The following DBT variants were observed in gnomAD, a reference collection of about 807,000 sequenced individuals.
DBT encodes dihydrolipoamide branched chain transacylase E2, also known as lipoamide acyltransferase component of branched-chain alpha-keto acid dehydrogenase complex, mitochondrial.
A neutral mutation model predicts 51.3 loss-of-function variants in DBT; 40 were observed. That is an observed-to-expected ratio of 0.78 (90% CI 0.61 to 1.02). The LOEUF (loss-of-function observed/expected upper bound fraction) is 1.02, where lower values mean the gene tolerates loss of function less well. Ranked by LOEUF, DBT falls within the 50% of genes least tolerant of loss-of-function variation. DBT has a pLI of 0.00. For missense variants in DBT, 510 were observed against 580.2 expected, an observed-to-expected ratio of 0.88 and a Z score of 1.24; for synonymous variants, 181 against 190.4, an observed-to-expected ratio of 0.95 and a Z score of 0.41.
intron 2 of DBT, among the ~76,000 whole-genome samples, chr1:100,236,837 T>G (rs1471489692): frequency 6.6e-6 from 1 of 152,190 alleles, no homozygotes; most frequent in African/African-American, 2.4e-5. Context: ...GAAAATGTGA[T>G]GGTTCATGGC....
chr1:100,233,998 C>T (rs540555438), intron 3 of DBT, among the ~76,000 whole-genome samples: 5 of 152,142 alleles, frequency 3.3e-5, no homozygotes, highest in Non-Finnish European at 7.3e-5. Context: ...TGATTTATCA[C>T]GGCTAGCAGA....
intron 2 of DBT, among the ~76,000 whole-genome samples, chr1:100,237,604 CT>C (rs1439522554): frequency 6.6e-6 from 1 of 152,036 alleles, no homozygotes; most frequent in Non-Finnish European, 1.5e-5. Context: ...AAGCAGGAGG[CT>C]ACTTCAGGTA....
chr1:100,227,554 T>G (rs1030106617), intron 4 of DBT, among the ~76,000 whole-genome samples: 12 of 152,286 alleles, frequency 7.9e-5, no homozygotes, highest in Non-Finnish European at 1.6e-4. Context: ...TTAGGAAGGA[T>G]CTCAAATTAT....
intron 7 of DBT, chr1:100,213,387 C>T (rs1185172205): frequency 6.4e-7 from 1 of 1,559,082 alleles, no homozygotes; most frequent in African/African-American, 1.4e-5. Flanking sequence ...GGCTACGGCG[C>T]CATCCCCGCC....
At chr1:100,248,447 G>A (rs1236623284) in intron 1 of DBT, among the ~76,000 whole-genome samples, 1 of 152,178 alleles carries the variant, frequency 6.6e-6, no homozygotes, top group Non-Finnish European at 1.5e-5. Flanking sequence ...CAGGACAGTA[G>A]GATATATGGG....
intron 4 of DBT, among the ~76,000 whole-genome samples, chr1:100,219,638 C>T (rs1399002872): frequency 6.6e-6 from 1 of 151,828 alleles, no homozygotes; most frequent in African/African-American, 2.4e-5. Flanking sequence ...GTCCAAGCTA[C>T]ACAGGAAGCT....
At chr1:100,230,998 A>G in intron 3 of DBT, 84 bp from the exon 4 acceptor site, 1 of 846,724 alleles carries the variant, frequency 1.2e-6, no homozygotes, top group Non-Finnish European at 2.0e-6. Flanking sequence ...ATGCTGAGTT[A>G]GATCAGTATT....
At chr1:100,199,327 A>G (rs1267687633) in intron 10 of DBT, among the ~76,000 whole-genome samples, 1 of 152,238 alleles carries the variant, frequency 6.6e-6, no homozygotes, top group East Asian at 1.9e-4. Flanking sequence ...ATTCCTGAGC[A>G]AAGAATGCTC....
At chr1:100,227,714 G>A (rs1663303395) in intron 4 of DBT, among the ~76,000 whole-genome samples, 1 of 152,216 alleles carries the variant, frequency 6.6e-6, no homozygotes, top group South Asian at 2.1e-4. Context: ...GCAGTCATCA[G>A]ATGTTAAGTG....
In DBT at chr1:100,206,224, A is replaced by C. The variant is rs140115881; in HGVS notation, c.1281+6T>G. ...ACTCCATTTTTCAGTTATCTAATAC[A>C]TGTACCTTAATTGATCCAAGGGCCC... On this transcript the variant is annotated splice_donor_region_variant and intron_variant, in intron 10 of 10. Transcript: ENST00000370132. 5.7e-3 allele frequency: 9,123 copies of C among 1,605,510 alleles called. 815 individuals are homozygous for C. In the Admixed American group the frequency reaches 0.14, roughly 25 times the overall value.
intron 4 of DBT, among the ~76,000 whole-genome samples, chr1:100,225,052 T>TACACACACACACACAC (rs71084808): frequency 1.3e-5 from 1 of 79,034 alleles, no homozygotes; most frequent in Admixed American, 1.4e-4. Context: ...AATATATATA[T>TACACACACACACACAC]ACACACACAC....
At chr1:100,246,905 C>G (rs773567102) in intron 1 of DBT, among the ~76,000 whole-genome samples, 1 of 152,128 alleles carries the variant, frequency 6.6e-6, no homozygotes, top group Non-Finnish European at 1.5e-5. Flanking sequence ...GTAGGTGTAA[C>G]CCCGGGGATG....
chr1:100,210,939 G>A (rs533301746), intron 7 of DBT, 168 bp from the exon 8 acceptor site: 2 of 1,426,516 alleles, frequency 1.4e-6, no homozygotes, highest in Admixed American at 4.2e-5. Flanking sequence ...GTTACCTTCA[G>A]GCCATGTGGA....
chr1:100,239,824 C>T (rs1248001734), intron 2 of DBT, among the ~76,000 whole-genome samples: 1 of 138,686 alleles, frequency 7.2e-6, no homozygotes, highest in Admixed American at 7.7e-5. Context: ...GATTGTGCCA[C>T]TGCACTCCAG....
chr1:100,219,992 A>T (rs1662755621), intron 4 of DBT, among the ~76,000 whole-genome samples: 2 of 151,980 alleles, frequency 1.3e-5, no homozygotes, highest in Admixed American at 1.3e-4. Flanking sequence ...AAAAAATTTT[A>T]AAATTAGCCA....
Position 100,230,824 on chromosome 1 carries a change from A to G in DBT, c.342T>C (p.Tyr114=), listed in dbSNP as rs1207748719. The stretch of plus-strand genomic sequence containing the variant: ...AATAGAGTTTTTTAATGACTCCATC[A>G]TAACGACTAGTGATGGTAACAGAAG... ...DKASVTITSR[Y]DGVIKKLYYN... The change falls in exon 4 of 11, where the codon TAT becomes TAC. Residue 114 remains tyrosine (Y), a synonymous_variant. Transcript: ENST00000370132. 2.5e-6 allele frequency: 4 copies of G among 1,607,780 alleles called. No homozygotes were observed. Among genetic ancestry groups the G allele is most frequent in the African/African-American group, 1.3e-5 (1 of 74,930 alleles).
intron 7 of DBT, among the ~76,000 whole-genome samples, chr1:100,214,036 A>C (rs946239956): frequency 1.6e-4 from 25 of 152,050 alleles, no homozygotes; most frequent in African/African-American, 5.1e-4. Flanking sequence ...ACAGTCACTA[A>C]TGTGAGCTAG....
Position 100,190,559 on chromosome 1 carries a change from A to G in DBT, c.*5696T>C, listed in dbSNP as rs1046802727. ...TTTTAATCAGTGTGCTAAGGGAGTA[A>G]ATCTGGTACAGTTCTGGATGTGAGG... On this transcript the variant is annotated 3_prime_UTR_variant, in exon 11 of 11. Coordinates refer to ENST00000370132, the MANE Select transcript of DBT (RefSeq NM_001918.5). 6.6e-6 allele frequency: 1 copy of G among 152,218 alleles called. No homozygotes were observed. Among genetic ancestry groups the G allele is most frequent in the Admixed American group, 6.5e-5 (1 of 15,270 alleles). The allele number at this position is 152,218 out of a possible 1,614,324, so 9.4% of individuals were successfully genotyped here. A position where few individuals can be genotyped will look rare whatever the true frequency, so the allele number is the denominator to read the frequency against.
Position 100,191,747 on chromosome 1 carries a change from TATACACACAC to T in DBT, c.*4498_*4507del, listed in dbSNP as rs1374055192. 11 of 146,528 alleles carry T rather than the reference TATACACACAC, an allele frequency of 7.5e-5. No individual in the cohort carries two copies. Among genetic ancestry groups the T allele is most frequent in the East Asian group, 4.0e-4 (2 of 4,940 alleles). The allele number at this position is 146,528 out of a possible 1,614,324, so 9.1% of individuals were successfully genotyped here. A position where few individuals can be genotyped will look rare whatever the true frequency, so the allele number is the denominator to read the frequency against. The stretch of plus-strand genomic sequence containing the variant: ...GTGTGTGTATATATATGTGTGTGTG[TATACACACAC>T]ACACACACACACACACACACACACA... On this transcript the variant is annotated 3_prime_UTR_variant, in exon 11 of 11. Coordinates refer to ENST00000370132, the MANE Select transcript of DBT (RefSeq NM_001918.5).
Sources: allele counts gnomAD v4.1 joint callset (sites outside exome capture counted in the v4.1 genomes callset), GRCh38; gene constraint gnomAD v4.1.1; transcripts MANE v1.5; gene names NCBI Gene and HGNC (gene_info 2026-07-23, HGNC 2026-07-21).